MSH4: variants seen among roughly 807,000 people sequenced by gnomAD.
MSH4 encodes the protein mutS homolog 4, also known as mutS protein homolog 4.
Under a neutral mutation model 113.7 loss-of-function variants are expected in MSH4, and 106 were observed. The ratio of observed to expected loss-of-function variants is 0.93; its 90% CI spans 0.80 to 1.10. The LOEUF (loss-of-function observed/expected upper bound fraction) is 1.10. Ranked by LOEUF, MSH4 falls within the 50% of genes least tolerant of loss-of-function variation. The pLI, the probability that MSH4 is intolerant of heterozygous loss-of-function variation, is 0.00. For missense variants in MSH4, 1,061 were observed against 1,093.7 expected, an observed-to-expected ratio of 0.97 and a Z score of 0.42; for synonymous variants, 368 against 380.2, an observed-to-expected ratio of 0.97 and a Z score of 0.37.
Position 75,887,204 on chromosome 1 carries a change from A to G in MSH4, c.2108-2047A>G, listed in dbSNP as rs142732926. On this transcript the variant is annotated intron_variant, in intron 15 of 19. Transcript: ENST00000263187. Reference sequence around the variant, plus strand: ...TAGATCATGGGGGGCGGTTTCCCCAATGTTGTTCTTGTGATAGTGAATTCT... The same window carrying G: ...TAGATCATGGGGGGCGGTTTCCCCAGTGTTGTTCTTGTGATAGTGAATTCT... Among the ~76,000 whole-genome samples, 685 of 152,026 alleles carry G rather than the reference A, an allele frequency of 4.5e-3. 4 individuals are homozygous for G. The highest frequency in any genetic ancestry group is 0.01 in the Middle Eastern group (3 of 294).
intron 3 of MSH4, among the ~76,000 whole-genome samples, chr1:75,809,619 C>T (rs549841448): frequency 5.5e-5 from 8 of 144,670 alleles, no homozygotes; most frequent in African/African-American, 2.0e-4. Context: ...ATTGTATTGC[C>T]ATAGTTACCC....
intron 6 of MSH4, among the ~76,000 whole-genome samples, chr1:75,822,007 C>T (rs1224462511): frequency 6.6e-6 from 1 of 151,934 alleles, no homozygotes; most frequent in Non-Finnish European, 1.5e-5. Flanking sequence ...GCTGGCCAGG[C>T]GCGGTGGCTC....
intron 7 of MSH4, among the ~76,000 whole-genome samples, chr1:75,823,400 G>A (rs1330017610): frequency 1.3e-5 from 2 of 152,084 alleles, no homozygotes; most frequent in Non-Finnish European, 2.9e-5. Flanking sequence ...TTGCCTCAGG[G>A]TCTGTTTCTG....
At chr1:75,899,571 GC>G in intron 18 of MSH4, 46 bp from the exon 19 acceptor site, 1 of 1,088,570 alleles carries the variant, frequency 9.2e-7, no homozygotes, top group Non-Finnish European at 1.3e-6. Flanking sequence ...GCATAAAAAT[GC>G]CAGCAGTAAC....
intron 1 of MSH4, among the ~76,000 whole-genome samples, chr1:75,800,315 T>C (rs1438970184): frequency 6.6e-6 from 1 of 152,178 alleles, no homozygotes; most frequent in Non-Finnish European, 1.5e-5. Context: ...TATCCCAGTT[T>C]GAGTATATCA....
intron 14 of MSH4, among the ~76,000 whole-genome samples, chr1:75,882,663 TAA>T (rs35936506): frequency 0.31 from 38,320 of 122,188 alleles, 6,655 homozygotes; most frequent in East Asian, 0.67. Context: ...ACCTCATTTC[TAA>T]AAAAAAAAAA....
rs1651117929 is a variant in MSH4, at chr1:75,848,280, TG to T, written c.1230+5del. 6.4e-7 allele frequency: 1 copy of T among 1,572,538 alleles called. No individual in the cohort carries two copies. On this transcript the variant is annotated splice_donor_5th_base_variant and intron_variant, in intron 8 of 19. Transcript: ENST00000263187. Reference sequence around the variant, plus strand: ...CCAAATTCCAAAGCAAGACACGGTATGTTTTTGTATACATTTTGTATTATAT... The same window carrying T: ...CCAAATTCCAAAGCAAGACACGGTATTTTTTGTATACATTTTGTATTATAT...
chr1:75,850,457 G>A (rs1312233138), intron 8 of MSH4, among the ~76,000 whole-genome samples: 1 of 151,976 alleles, frequency 6.6e-6, no homozygotes, highest in East Asian at 1.9e-4. Context: ...AGTATTTGGG[G>A]ACTTTCCAAA....
chr1:75,866,778 C>T (rs6678348), intron 8 of MSH4, among the ~76,000 whole-genome samples: 31,885 of 151,164 alleles, frequency 0.21, 3,531 homozygotes, highest in Middle Eastern at 0.29. Flanking sequence ...GTCAGGAGTT[C>T]GAGACCAGCC....
Position 75,857,550 on chromosome 1 carries a change from T to G in MSH4, c.1230+9274T>G, listed in dbSNP as rs144605632. Among the ~76,000 whole-genome samples the G allele has an allele frequency of 7.5e-3, 1,143 of 152,338 alleles. 10 individuals are homozygous for G. Among genetic ancestry groups the G allele is most frequent in the African/African-American group, 0.026 (1,095 of 41,572 alleles). ...CACCATTTATTAAATAGGGAATCTT[T>G]TCCCCATTGCTTGTATGTCTCAGGT... On this transcript the variant is annotated intron_variant, in intron 8 of 19. Transcript: ENST00000263187.
At chr1:75,834,995 G>T (rs573446716) in intron 7 of MSH4, among the ~76,000 whole-genome samples, 2 of 152,280 alleles carry the variant, frequency 1.3e-5, no homozygotes, top group African/African-American at 4.8e-5. Flanking sequence ...TTGTCCACTG[G>T]CATGGTGGTG....
At chr1:75,854,158 T>C (rs1218551945) in intron 8 of MSH4, among the ~76,000 whole-genome samples, 1 of 151,476 alleles carries the variant, frequency 6.6e-6, no homozygotes, top group Non-Finnish European at 1.5e-5. Flanking sequence ...TTTCTCTCTT[T>C]CCATATTAGT....
chr1:75,844,062 C>T (rs769179232), intron 7 of MSH4, among the ~76,000 whole-genome samples: 9 of 152,216 alleles, frequency 5.9e-5, no homozygotes, highest in Admixed American at 2.6e-4. Context: ...CCACCTGCCT[C>T]GGCCTCCCAA....
At chr1:75,835,970 A>C (rs957317771) in intron 7 of MSH4, among the ~76,000 whole-genome samples, 1 of 152,090 alleles carries the variant, frequency 6.6e-6, no homozygotes, top group South Asian at 2.1e-4. Context: ...CTGCGTGCCT[A>C]GTGGCCCACA....
At chr1:75,881,581 C>CA (rs1651933708) in intron 14 of MSH4, among the ~76,000 whole-genome samples, 1 of 151,430 alleles carries the variant, frequency 6.6e-6, no homozygotes, top group Non-Finnish European at 1.5e-5. Flanking sequence ...ATTGGCAAAC[C>CA]AAAAAGAAAA....
chr1:75,907,684 C>CTCTCTCTCTATATATATATATATA (rs1307238647), intron 19 of MSH4, among the ~76,000 whole-genome samples: 8 of 46,538 alleles, frequency 1.7e-4, no homozygotes, highest in South Asian at 7.5e-4. Context: ...CTCTCTCTCT[C>CTCTCTCTCTATATATATATATATA]TATACATATA....
chr1:75,852,034 T>C (rs921627932), intron 8 of MSH4, among the ~76,000 whole-genome samples: 1 of 152,170 alleles, frequency 6.6e-6, no homozygotes, highest in Non-Finnish European at 1.5e-5. Flanking sequence ...TTCCCATTCC[T>C]TCTAACCCCC....
chr1:75,863,506 T>G (rs1160435503), intron 8 of MSH4, among the ~76,000 whole-genome samples: 1 of 152,174 alleles, frequency 6.6e-6, no homozygotes, highest in Non-Finnish European at 1.5e-5. Flanking sequence ...TTTCTTCTGT[T>G]TCTCTGTAAA....
At chr1:75,869,886 A>G (rs1030541858) in intron 9 of MSH4, among the ~76,000 whole-genome samples, 1 of 152,190 alleles carries the variant, frequency 6.6e-6, no homozygotes, top group African/African-American at 2.4e-5. Flanking sequence ...TGCCTAGTGG[A>G]TCTGTGAGAA....
Sources: gnomAD v4.1 joint callset for allele counts (sites outside exome capture counted in the v4.1 genomes callset) on GRCh38, gnomAD v4.1.1 for gene constraint, MANE v1.5 for transcripts, NCBI Gene and HGNC (gene_info 2026-07-23, HGNC 2026-07-21) for gene names.